The following TULP4 variants were observed in gnomAD, a reference collection of about 807,000 sequenced individuals.
TULP4 encodes the protein TUB like protein 4.
In TULP4, 16 loss-of-function variants were observed where a neutral mutation model predicts 129.0. That is an observed-to-expected ratio of 0.12 (90% CI 0.08 to 0.19). TULP4 has a LOEUF of 0.19. Among genes scored for constraint, TULP4 ranks in the 10% least tolerant of loss-of-function variants. The pLI, the probability that TULP4 is intolerant of heterozygous loss-of-function variation, is 1.00. For missense variants in TULP4, 1,842 were observed against 2,059.1 expected (o/e 0.89, Z 2.04); for synonymous variants, 998 against 854.0 (o/e 1.17, Z -2.94).
intron 1 of TULP4, among the ~76,000 whole-genome samples, chr6:158,345,523 C>T (rs934209724): frequency 5.9e-5 from 9 of 152,258 alleles, no homozygotes; most frequent in East Asian, 3.9e-4. Flanking sequence ...CATCACATAT[C>T]GGTAGGACCG....
At chr6:158,487,267 A>G (rs1780094493) in intron 8 of TULP4, among the ~76,000 whole-genome samples, 1 of 152,070 alleles carries the variant, frequency 6.6e-6, no homozygotes, top group African/African-American at 2.4e-5. Flanking sequence ...TCAAAAAATA[A>G]GTAAATAAAG....
chr6:158,239,367 A>C (rs1455626494), intron 1 of TULP4, among the ~76,000 whole-genome samples: 427 of 26,630 alleles, frequency 0.016, 1 homozygote, highest in Admixed American at 0.051. Flanking sequence ...GGGGGCTGAC[A>C]CCCCCCACCT....
intron 1 of TULP4, among the ~76,000 whole-genome samples, chr6:158,253,103 C>T (rs750805312): frequency 8.5e-5 from 13 of 152,180 alleles, no homozygotes; most frequent in Non-Finnish European, 1.8e-4. Context: ...TTCTATTTTC[C>T]ATTATTTGTT....
At chr6:158,371,951 A>C (rs573583611) in intron 1 of TULP4, among the ~76,000 whole-genome samples, 44 of 152,208 alleles carry the variant, frequency 2.9e-4, no homozygotes, top group Admixed American at 7.9e-4. Context: ...AGTAGCTGGC[A>C]CTACAGGCAC....
intron 1 of TULP4, among the ~76,000 whole-genome samples, chr6:158,373,465 G>A (rs1320648676): frequency 1.3e-5 from 2 of 152,186 alleles, no homozygotes; most frequent in Non-Finnish European, 1.5e-5. Context: ...TTAGAGTGTG[G>A]CAGTCGAATC....
chr6:158,417,819 A>G (rs1778244772), intron 2 of TULP4, among the ~76,000 whole-genome samples: 2 of 152,228 alleles, frequency 1.3e-5, no homozygotes, highest in Admixed American at 6.5e-5. Context: ...TGCTTTAACA[A>G]TTTCTTTTTC....
rs543834571 is a variant in TULP4, at chr6:158,359,611, T to G, written c.252+45343T>G. On this transcript the variant is annotated intron_variant, in intron 1 of 13. Transcript: ENST00000367097. The stretch of plus-strand genomic sequence containing the variant: ...TTTTTATTCTGGTCACGATGGCAGT[T>G]GATTAGATGGTGCCCACCCGGATTG... Among the ~76,000 whole-genome samples the G allele has an allele frequency of 1.6e-3, 246 of 152,228 alleles. 1 individual carries two copies. The highest frequency in any genetic ancestry group is 5.8e-3 in the African/African-American group (239 of 41,532).
chr6:158,250,492 A>G (rs912478386), intron 1 of TULP4, among the ~76,000 whole-genome samples: 72 of 152,190 alleles, frequency 4.7e-4, no homozygotes, highest in Non-Finnish European at 1.5e-5. Context: ...TATAGAAGCA[A>G]TAATGTTTAT....
Position 158,507,859 on chromosome 6 carries a change from T to C in TULP4, c.*1165T>C, listed in dbSNP as rs1490205763. 1 of 152,164 alleles carries C rather than the reference T, an allele frequency of 6.6e-6. No individual in the cohort carries two copies. The allele number at this position is 152,164 out of a possible 1,614,324, so 9.4% of individuals were successfully genotyped here. On this transcript the variant is annotated 3_prime_UTR_variant, in exon 14 of 14. Coordinates refer to ENST00000367097, the MANE Select transcript of TULP4 (RefSeq NM_020245.5). ...GAAATGTAACCAAAAAAATGTTAAG[T>C]GTTCACCAGGGTATTAAAATACAGA...
intron 1 of TULP4, among the ~76,000 whole-genome samples, chr6:158,375,191 C>G (rs546997202): frequency 1.2e-4 from 18 of 152,226 alleles, no homozygotes; most frequent in Non-Finnish European, 2.5e-4. Context: ...TGCAGTGAAC[C>G]GAGATCGCAC....
At chr6:158,269,083 T>C (rs1223539935) in intron 1 of TULP4, among the ~76,000 whole-genome samples, 1 of 152,186 alleles carries the variant, frequency 6.6e-6, no homozygotes, top group African/African-American at 2.4e-5. Context: ...AAATTAAATT[T>C]GGGTTTGCCA....
chr6:158,384,178 T>G (rs1400029079), intron 1 of TULP4, among the ~76,000 whole-genome samples: 1 of 152,190 alleles, frequency 6.6e-6, no homozygotes, highest in African/African-American at 2.4e-5. Context: ...TTCTCTAGCA[T>G]GTAAAGCCAA....
chr6:158,306,133 TATGGCGTTTTATGATTTTAA>T (rs1239923359), intron 1 of TULP4, among the ~76,000 whole-genome samples: 2 of 152,244 alleles, frequency 1.3e-5, no homozygotes, highest in East Asian at 3.8e-4. Flanking sequence ...GTCTAGCATA[TATGGCGTTTTATGATTTTAA>T]AGATATTTTT....
At chr6:158,323,018 T>C (rs978241827) in intron 1 of TULP4, among the ~76,000 whole-genome samples, 2 of 152,224 alleles carry the variant, frequency 1.3e-5, no homozygotes, top group Admixed American at 6.5e-5. Flanking sequence ...AGCCACATTC[T>C]GGCTTTAGAG....
intron 1 of TULP4, among the ~76,000 whole-genome samples, chr6:158,256,301 C>A (rs1778242637): frequency 6.6e-6 from 1 of 152,046 alleles, no homozygotes; most frequent in African/African-American, 2.4e-5. Flanking sequence ...GTATGTGTTT[C>A]TGTATGTATG....
At chr6:158,461,779 A>G (rs760113745) in intron 6 of TULP4, 50 bp downstream of exon 6, 13 of 1,532,922 alleles carry the variant, frequency 8.5e-6, no homozygotes, top group South Asian at 2.5e-5. Context: ...ATACTAGTGA[A>G]TAGGTTATTA....
At chr6:158,435,419 G>A (rs1206751844) in intron 3 of TULP4, among the ~76,000 whole-genome samples, 1 of 152,042 alleles carries the variant, frequency 6.6e-6, no homozygotes, top group Non-Finnish European at 1.5e-5. Context: ...GGCGTCTTCT[G>A]GACCCTGTCA....
chr6:158,482,412 G>A (rs1419584275), intron 8 of TULP4, among the ~76,000 whole-genome samples: 1 of 152,168 alleles, frequency 6.6e-6, no homozygotes, highest in Non-Finnish European at 1.5e-5. Context: ...GTCAATATTA[G>A]ATATTAGTCC....
In TULP4 at chr6:158,506,940, G is replaced by A. The variant is rs1780619010; in HGVS notation, c.*246G>A. On this transcript the variant is annotated 3_prime_UTR_variant, in exon 14 of 14. Transcript: ENST00000367097. ...TTTCAGTGGCATTTGGAAGCAAAGAGTGCTAGGCACCTGCTGTTCTTTCAG... is the reference window on the plus strand; with the variant it reads ...TTTCAGTGGCATTTGGAAGCAAAGAATGCTAGGCACCTGCTGTTCTTTCAG... The A allele has an allele frequency of 2.0e-6, 1 of 497,994 alleles. No individual in the cohort carries two copies. The highest frequency in any genetic ancestry group is 1.9e-5 in the African/African-American group (1 of 51,342). 30.8% of individuals were successfully genotyped at this position (497,994 alleles called of 1,614,324 possible).
Sources: allele counts gnomAD v4.1 joint callset (sites outside exome capture counted in the v4.1 genomes callset), GRCh38; gene constraint gnomAD v4.1.1; transcripts MANE v1.5; gene names NCBI Gene and HGNC (gene_info 2026-07-23, HGNC 2026-07-21).